The following UBE2G1 variants were observed in gnomAD, a reference collection of about 807,000 sequenced individuals.
The protein encoded by UBE2G1 is ubiquitin conjugating enzyme E2 G1.
A neutral mutation model predicts 22.7 loss-of-function variants in UBE2G1; 5 were observed. The observed-to-expected ratio is 0.22, with a 90% CI of 0.12 to 0.46. The LOEUF (loss-of-function observed/expected upper bound fraction) is 0.46, where lower values mean the gene tolerates loss of function less well. UBE2G1 is among the 20% of genes least tolerant of loss of function. UBE2G1 has a pLI of 0.99. For synonymous variants in UBE2G1, 74 were observed against 67.5 expected (o/e 1.10, Z -0.47); for missense variants, 88 against 203.9 (o/e 0.43, Z 3.46).
chr17:4,366,424 G>A lies in UBE2G1; in HGVS notation c.-108C>T. 8.6e-7 allele frequency: 1 copy of A among 1,169,484 alleles called. No homozygotes were observed. The highest frequency in any genetic ancestry group is 1.1e-6 in the Non-Finnish European group (1 of 901,232). 72.4% of individuals were successfully genotyped at this position (1,169,484 alleles called of 1,614,324 possible). On this transcript the variant is annotated 5_prime_UTR_variant, in exon 1 of 6. Coordinates refer to ENST00000396981, the MANE Select transcript of UBE2G1 (RefSeq NM_003342.5). ...CCGAGGAACCCGGGCCCCGCGACCGGAGCGCCGGAGCCGAGGAAGGCCGGG... is the reference window on the plus strand; with the variant it reads ...CCGAGGAACCCGGGCCCCGCGACCGAAGCGCCGGAGCCGAGGAAGGCCGGG...
intron 1 of UBE2G1, among the ~76,000 whole-genome samples, chr17:4,359,249 C>G (rs1969940545): frequency 1.3e-5 from 2 of 152,086 alleles, no homozygotes; most frequent in Non-Finnish European, 2.9e-5. Context: ...AAACAAACAA[C>G]AAACAGCTGC....
chr17:4,365,469 G>C (rs540606112), intron 1 of UBE2G1, among the ~76,000 whole-genome samples: 26 of 152,314 alleles, frequency 1.7e-4, no homozygotes, highest in African/African-American at 6.0e-4. Flanking sequence ...CAGGCTCCTC[G>C]GGGAGGCCGA....
At chr17:4,329,279 G>A (rs1969540313) in intron 1 of UBE2G1, among the ~76,000 whole-genome samples, 1 of 151,906 alleles carries the variant, frequency 6.6e-6, no homozygotes, top group South Asian at 2.1e-4. Flanking sequence ...TGTGCCTGTA[G>A]TCTCAGCTAC....
chr17:4,321,634 A>G (rs1397883360), intron 1 of UBE2G1, among the ~76,000 whole-genome samples: 1 of 152,092 alleles, frequency 6.6e-6, no homozygotes, highest in Non-Finnish European at 1.5e-5. Flanking sequence ...CTGGGACCAC[A>G]GGCACAAACC....
chr17:4,278,177 T>C (rs1402527156), intron 5 of UBE2G1, among the ~76,000 whole-genome samples: 1 of 152,236 alleles, frequency 6.6e-6, no homozygotes, highest in Non-Finnish European at 1.5e-5. Flanking sequence ...TGGGCTTACA[T>C]GCATGCGCCA....
intron 1 of UBE2G1, among the ~76,000 whole-genome samples, chr17:4,333,918 C>A (rs1170265136): frequency 6.6e-6 from 1 of 152,184 alleles, no homozygotes; most frequent in Non-Finnish European, 1.5e-5. Context: ...TTTCACTATT[C>A]CCTTCAACCC....
At chr17:4,348,926 C>A (rs1452532942) in intron 1 of UBE2G1, among the ~76,000 whole-genome samples, 1 of 150,304 alleles carries the variant, frequency 6.7e-6, no homozygotes, top group Admixed American at 6.6e-5. Context: ...CGGTCGCTCA[C>A]ACCTGTAATC....
intron 2 of UBE2G1, chr17:4,301,878 C>A: frequency 2.0e-6 from 1 of 498,636 alleles, no homozygotes; most frequent in Middle Eastern, 4.6e-4. Context: ...TGGCTGTATT[C>A]TAAGATTGAA....
At chr17:4,287,989 C>T (rs951137378) in intron 4 of UBE2G1, among the ~76,000 whole-genome samples, 1 of 152,086 alleles carries the variant, frequency 6.6e-6, no homozygotes, top group African/African-American at 2.4e-5. Flanking sequence ...ACATTAACGA[C>T]AGACTTGTAC....
chr17:4,281,376 T>C (rs953576403), intron 5 of UBE2G1, among the ~76,000 whole-genome samples: 3 of 152,098 alleles, frequency 2.0e-5, no homozygotes, highest in African/African-American at 4.8e-5. Flanking sequence ...AGAAAAGCAA[T>C]AGTAAACCCA....
chr17:4,340,574 C>A (rs1969699884), intron 1 of UBE2G1, among the ~76,000 whole-genome samples: 1 of 152,130 alleles, frequency 6.6e-6, no homozygotes, highest in African/African-American at 2.4e-5. Flanking sequence ...CTTTTCCCCG[C>A]TTCGCACTGC....
At chr17:4,299,827 GT>G (rs34357475) in intron 2 of UBE2G1, among the ~76,000 whole-genome samples, 92,270 of 116,530 alleles carry the variant, frequency 0.79, 39,555 homozygotes, top group South Asian at 0.96. Flanking sequence ...CCTTTTTTTA[GT>G]TTTTTTTTTT....
At chr17:4,306,418 C>T (rs2143730697) in intron 2 of UBE2G1, among the ~76,000 whole-genome samples, 1 of 151,784 alleles carries the variant, frequency 6.6e-6, no homozygotes, top group Middle Eastern at 3.4e-3. Flanking sequence ...AACTCCTGAC[C>T]TCTCAGGTGA....
chr17:4,364,298 T>TTC, intron 1 of UBE2G1: 1 of 147,916 alleles, frequency 6.8e-6, no homozygotes, highest in Non-Finnish European at 1.5e-5. Flanking sequence ...AAGTTCTTTT[T>TTC]TTTTTTTTTT....
In UBE2G1 at chr17:4,295,122, C is replaced by T. The variant is rs575730044; in HGVS notation, c.247+1595G>A. ...ATCTGTTACATCTTCGAAATAGGTG[C>T]AAAACGATTGCCTATTATAATCAAG... On this transcript the variant is annotated intron_variant, in intron 3 of 5. Coordinates refer to ENST00000396981, the MANE Select transcript of UBE2G1 (RefSeq NM_003342.5). 1.2e-3 allele frequency among the ~76,000 whole-genome samples: 182 copies of T among 152,010 alleles called. 1 individual carries two copies. Among genetic ancestry groups the T allele is most frequent in the Non-Finnish European group, 2.1e-3 (143 of 68,008 alleles).
At chr17:4,290,534 T>A (rs1377929363) in intron 3 of UBE2G1, among the ~76,000 whole-genome samples, 2 of 152,120 alleles carry the variant, frequency 1.3e-5, no homozygotes, top group African/African-American at 2.4e-5. Flanking sequence ...TGTAGTGGTA[T>A]GATCACAGCT....
intron 3 of UBE2G1, among the ~76,000 whole-genome samples, chr17:4,292,423 A>C (rs548241572): frequency 5.3e-5 from 8 of 152,140 alleles, no homozygotes; most frequent in Non-Finnish European, 1.2e-4. Flanking sequence ...CATGCACCTA[A>C]AATTCTGAAA....
At chr17:4,356,209 C>T (rs1447326308) in intron 1 of UBE2G1, among the ~76,000 whole-genome samples, 2 of 151,344 alleles carry the variant, frequency 1.3e-5, no homozygotes, top group South Asian at 2.1e-4. Flanking sequence ...ATACAAAAAA[C>T]TAGCTGTGCC....
At chr17:4,358,463 T>C (rs9890023) in intron 1 of UBE2G1, among the ~76,000 whole-genome samples, 4,867 of 152,252 alleles carry the variant, frequency 0.032, 287 homozygotes, top group African/African-American at 0.11. Flanking sequence ...TGACTTTTTT[T>C]TTTTAAACTG....
Sources: gnomAD v4.1 joint callset for allele counts (sites outside exome capture counted in the v4.1 genomes callset) on GRCh38, gnomAD v4.1.1 for gene constraint, MANE v1.5 for transcripts, NCBI Gene and HGNC (gene_info 2026-07-23, HGNC 2026-07-21) for gene names.